Variants in TOLLIP observed in about 807,000 individuals in gnomAD.
TOLLIP encodes the protein toll interacting protein, also known as toll-interacting protein.
Under a neutral mutation model 33.5 loss-of-function variants are expected in TOLLIP, and 16 were observed. That is an observed-to-expected ratio of 0.48 (90% CI 0.32 to 0.72). The LOEUF (loss-of-function observed/expected upper bound fraction) is 0.72, where lower values mean the gene tolerates loss of function less well. Ranked by LOEUF, TOLLIP falls within the 30% of genes least tolerant of loss-of-function variation. The pLI, the probability that TOLLIP is intolerant of heterozygous loss-of-function variation, is 0.03. For synonymous variants in TOLLIP, 176 were observed against 163.7 expected (o/e 1.07, Z -0.57); for missense variants, 325 against 396.6 (o/e 0.82, Z 1.53).
In TOLLIP at chr11:1,276,639, T is replaced by A. The variant is rs1298002599; in HGVS notation, c.*400A>T. ...TGTGAGGGATTGTGTGTGCCTTAAA[T>A]CAACAGCTCTATTCCAATTACATCA... On this transcript the variant is annotated 3_prime_UTR_variant, in exon 6 of 6. Transcript: ENST00000317204. 7.7e-7 allele frequency: 1 copy of A among 1,302,460 alleles called. No individual in the cohort carries two copies. The highest frequency in any genetic ancestry group is 1.0e-6 in the Non-Finnish European group (1 of 996,164). 80.7% of individuals were successfully genotyped at this position (1,302,460 alleles called of 1,614,324 possible).
chr11:1,288,944 C>T (rs953866191), intron 3 of TOLLIP, among the ~76,000 whole-genome samples, 168 bp from the exon 4 acceptor site: 3 of 152,244 alleles, frequency 2.0e-5, no homozygotes, highest in Non-Finnish European at 4.4e-5. Context: ...GCAGGCTTCA[C>T]GATCGTATAT....
rs536351307 is a variant in TOLLIP, at chr11:1,276,280, C to T, written c.*759G>A. Reference sequence around the variant, plus strand: ...TGGGAGGACACCCACGGAGCTGGCACGAGCGCAGCAGGAGAGACGGACGGC... The same window carrying T: ...TGGGAGGACACCCACGGAGCTGGCATGAGCGCAGCAGGAGAGACGGACGGC... On this transcript the variant is annotated 3_prime_UTR_variant, in exon 6 of 6. Transcript: ENST00000317204. 347 of 199,752 alleles carry T rather than the reference C, an allele frequency of 1.7e-3. 5 individuals are homozygous for T. The highest frequency in any genetic ancestry group is 7.7e-3 in the African/African-American group (327 of 42,710). 12.4% of individuals were successfully genotyped at this position (199,752 alleles called of 1,614,324 possible).
chr11:1,288,317 G>A (rs947175776), intron 4 of TOLLIP, among the ~76,000 whole-genome samples: 23 of 152,198 alleles, frequency 1.5e-4, no homozygotes, highest in South Asian at 6.2e-4. Context: ...AGGGCTGTGG[G>A]GGTCCTCCGA....
Position 1,309,554 on chromosome 11 carries a change from T to C in TOLLIP, c.-56A>G. 1.7e-6 allele frequency: 2 copies of C among 1,148,334 alleles called. No homozygotes were observed. Among genetic ancestry groups the C allele is most frequent in the South Asian group, 2.6e-5 (1 of 38,320 alleles). The allele number at this position is 1,148,334 out of a possible 1,614,324, so 71.1% of individuals were successfully genotyped here. On this transcript the variant is annotated 5_prime_UTR_variant, in exon 1 of 6. Transcript: ENST00000317204. Reference sequence around the variant, plus strand: ...CCCGACAGTGACGCGCCGGGCGACCTCCTGCGCCCCCGCCGGAGCCTGCGA... The same window carrying C: ...CCCGACAGTGACGCGCCGGGCGACCCCCTGCGCCCCCGCCGGAGCCTGCGA...
rs573151232 is a variant in TOLLIP at position 1,278,885 on chromosome 11, G to A, written c.611-1632C>T. On this transcript the variant is annotated intron_variant, in intron 5 of 5. Coordinates refer to ENST00000317204, the MANE Select transcript of TOLLIP (RefSeq NM_019009.4). This position sits in a 1 kb window ranked among gnomAD's most constrained non-coding sequence, Gnocchi z 4.7. ...CTGGGATCCCCGTGGCTTTTTGGGCGCCCCGGCTGGCAGGCGGGCAGGAAC... is the reference window on the plus strand; with the variant it reads ...CTGGGATCCCCGTGGCTTTTTGGGCACCCCGGCTGGCAGGCGGGCAGGAAC... Among the ~76,000 whole-genome samples, 6 of 152,268 alleles carry A rather than the reference G, an allele frequency of 3.9e-5. No homozygotes were observed. Among genetic ancestry groups the A allele is most frequent in the African/African-American group, 9.6e-5 (4 of 41,554 alleles).
intron 3 of TOLLIP, 152 bp from the exon 4 acceptor site, chr11:1,288,928 G>A: frequency 1.3e-6 from 1 of 799,144 alleles, no homozygotes; most frequent in Non-Finnish European, 1.9e-6. Context: ...AGACCCCTCG[G>A]GCAGCGCAGG....
chr11:1,309,456 G>T lies in TOLLIP; in HGVS notation c.33+10C>A. On this transcript the variant is annotated intron_variant, in intron 1 of 5. Coordinates refer to ENST00000317204, the MANE Select transcript of TOLLIP (RefSeq NM_019009.4). ...ACCGCCCCCGCCCGACCCTCGCCCG[G>T]CTGCCTCACCGGCCCGCGCTGAGTG... 1 of 1,315,712 alleles carries T rather than the reference G, an allele frequency of 7.6e-7. No individual in the cohort carries two copies. The highest frequency in any genetic ancestry group is 2.9e-4 in the Middle Eastern group (1 of 3,462). 81.5% of individuals were successfully genotyped at this position (1,315,712 alleles called of 1,614,324 possible). A position where few individuals can be genotyped will look rare whatever the true frequency, so the allele number is the denominator to read the frequency against.
At position 1,295,505 on chromosome 11, in the gene TOLLIP, T is replaced by A. The variant is rs929784560; in HGVS notation, c.183+140A>T. On this transcript the variant is annotated intron_variant, in intron 2 of 5. Coordinates refer to ENST00000317204, the MANE Select transcript of TOLLIP (RefSeq NM_019009.4). ...TCTTTCACACAGATCGTTTTCAACA[T>A]CACACAGGTTTCAGGAAAAGCGGGA... The A allele has an allele frequency of 1.1e-5, 12 of 1,127,480 alleles. No individual in the cohort carries two copies. In the African/African-American group the frequency reaches 1.7e-4, roughly 16 times the overall value. The allele number at this position is 1,127,480 out of a possible 1,614,324, so 69.8% of individuals were successfully genotyped here.
intron 1 of TOLLIP, chr11:1,298,218 A>G (rs1864167475): frequency 6.6e-6 from 1 of 152,324 alleles, no homozygotes. Flanking sequence ...AGGACATGGC[A>G]GGAAAAGCAC....
chr11:1,284,474 G>A (rs1403512591), intron 5 of TOLLIP, among the ~76,000 whole-genome samples: 4 of 151,982 alleles, frequency 2.6e-5, no homozygotes, highest in Non-Finnish European at 5.9e-5. Flanking sequence ...TCAGCCTCCC[G>A]AGCAGCTGGG....
rs1863366915 is a variant in TOLLIP, at chr11:1,278,049, G to A, written c.611-796C>T. Among the ~76,000 whole-genome samples the A allele has an allele frequency of 6.6e-6, 1 of 152,182 alleles. No individual in the cohort carries two copies. Among genetic ancestry groups the A allele is most frequent in the Non-Finnish European group, 1.5e-5 (1 of 68,036 alleles). ...GACACACTGAGATGCAATCTATCGA[G>A]CAGGAGACGCACGGCGGTTCAGCCA... is the stretch of plus-strand genomic sequence containing the variant. On this transcript the variant is annotated intron_variant, in intron 5 of 5. Transcript: ENST00000317204. The surrounding 1 kb of genome is among the most constrained non-coding windows in gnomAD (Gnocchi z 4.7).
At chr11:1,295,819 C>T (rs1446556304) in intron 1 of TOLLIP, 25 bp from the exon 2 acceptor site, 15 of 1,532,830 alleles carry the variant, frequency 9.8e-6, no homozygotes, top group Non-Finnish European at 1.1e-5. Flanking sequence ...ACCAGAGAGG[C>T]CAGTGAGTCA....
At chr11:1,295,475 C>A in intron 2 of TOLLIP, 170 bp downstream of exon 2, 1 of 859,242 alleles carries the variant, frequency 1.2e-6, no homozygotes, top group Non-Finnish European at 1.7e-6. Context: ...GGGTCAATGC[C>A]AATATCTTTC....
chr11:1,308,632 C>G (rs1249829892), intron 1 of TOLLIP, among the ~76,000 whole-genome samples: 1 of 152,250 alleles, frequency 6.6e-6, no homozygotes, highest in African/African-American at 2.4e-5. Context: ...AGGCAACTCT[C>G]AGGAGAGAAT....
At position 1,278,079 on chromosome 11, in the gene TOLLIP, A is replaced by T. The variant is rs917174649; in HGVS notation, c.611-826T>A. ...AGACGCACGGCGGTTCAGCCACTGC[A>T]GCACACACACCCCTGAAGGCACCGT... On this transcript the variant is annotated intron_variant, in intron 5 of 5. Transcript: ENST00000317204. This position sits in a 1 kb window ranked among gnomAD's most constrained non-coding sequence, Gnocchi z 4.7. Among the ~76,000 whole-genome samples the T allele has an allele frequency of 6.6e-6, 1 of 152,176 alleles. No homozygotes were observed. Among genetic ancestry groups the T allele is most frequent in the Non-Finnish European group, 1.5e-5 (1 of 68,020 alleles).
rs548908160 is a variant in TOLLIP, at chr11:1,289,560, T to C, written c.366+667A>G. On this transcript the variant is annotated intron_variant, in intron 3 of 5. Coordinates refer to ENST00000317204, the MANE Select transcript of TOLLIP (RefSeq NM_019009.4). ...TTTCCCACCCAGTAGGCAGCCGCACTCTCTGGAAATCCCACCTGCTGGTGA... is the reference window on the plus strand; with the variant it reads ...TTTCCCACCCAGTAGGCAGCCGCACCCTCTGGAAATCCCACCTGCTGGTGA... Among the ~76,000 whole-genome samples the C allele has an allele frequency of 2.6e-5, 4 of 152,216 alleles. No homozygotes were observed. In the South Asian group the frequency reaches 6.2e-4, roughly 24 times the overall value.
chr11:1,284,439 C>G (rs776090376), intron 5 of TOLLIP, among the ~76,000 whole-genome samples: 42 of 152,242 alleles, frequency 2.8e-4, no homozygotes, highest in Non-Finnish European at 4.3e-4. Flanking sequence ...AGCTCCACCT[C>G]CTGGGTTCAC....
In TOLLIP at chr11:1,276,579, G is replaced by T; in HGVS notation, c.*460C>A. 1 of 1,058,940 alleles carries T rather than the reference G, an allele frequency of 9.4e-7. No homozygotes were observed. Among genetic ancestry groups the T allele is most frequent in the Non-Finnish European group, 1.3e-6 (1 of 792,258 alleles). 65.6% of individuals were successfully genotyped at this position (1,058,940 alleles called of 1,614,324 possible). A position where few individuals can be genotyped will look rare whatever the true frequency, so the allele number is the denominator to read the frequency against. ...AAAGCGCGTTAGGGCAAGGGCGTGA[G>T]TTTTCGTCTGGGAAGTTCTAAAAAA... is the stretch of plus-strand genomic sequence containing the variant. On this transcript the variant is annotated 3_prime_UTR_variant, in exon 6 of 6. Coordinates refer to ENST00000317204, the MANE Select transcript of TOLLIP (RefSeq NM_019009.4).
intron 1 of TOLLIP, among the ~76,000 whole-genome samples, chr11:1,305,265 G>C (rs901596056): frequency 1.3e-5 from 2 of 152,242 alleles, no homozygotes; most frequent in Non-Finnish European, 2.9e-5. Flanking sequence ...GACTCGTGAG[G>C]AGGCGGTGAG....
Sources: allele counts gnomAD v4.1 joint callset (sites outside exome capture counted in the v4.1 genomes callset), GRCh38; gene constraint gnomAD v4.1.1; non-coding constraint Gnocchi (gnomAD v3.1); transcripts MANE v1.5; gene names NCBI Gene and HGNC (gene_info 2026-07-23, HGNC 2026-07-21).